The following GABRB2 variants were observed in gnomAD, a reference collection of about 807,000 sequenced individuals.
GABRB2 encodes gamma-aminobutyric acid type A receptor subunit beta2.
In GABRB2, 16 loss-of-function variants were observed where a neutral mutation model predicts 54.7. The observed-to-expected ratio is 0.29, with a 90% CI of 0.20 to 0.44. The LOEUF is 0.44. Among genes scored for constraint, GABRB2 ranks in the 20% least tolerant of loss-of-function variants. The pLI, the probability that GABRB2 is intolerant of heterozygous loss-of-function variation, is 1.00. For synonymous variants in GABRB2, 244 were observed against 233.8 expected, an observed-to-expected ratio of 1.04 and a Z score of -0.40; for missense variants, 355 against 644.0, an observed-to-expected ratio of 0.55 and a Z score of 4.86.
At chr5:161,392,123 C>G (rs1389437030) in intron 5 of GABRB2, among the ~76,000 whole-genome samples, 1 of 152,152 alleles carries the variant, frequency 6.6e-6, no homozygotes, top group African/African-American at 2.4e-5. Context: ...ATCATGGCCC[C>G]TGTGTTCCAG....
chr5:161,293,979 G>C lies in GABRB2; in HGVS notation c.*102C>G. 1 of 892,842 alleles carries C rather than the reference G, an allele frequency of 1.1e-6. No individual in the cohort carries two copies. Among genetic ancestry groups the C allele is most frequent in the Non-Finnish European group, 1.7e-6 (1 of 580,660 alleles). The allele number at this position is 892,842 out of a possible 1,614,324, so 55.3% of individuals were successfully genotyped here. A position where few individuals can be genotyped will look rare whatever the true frequency, so the allele number is the denominator to read the frequency against. On this transcript the variant is annotated 3_prime_UTR_variant, in exon 10 of 10. Transcript: ENST00000393959. ...AGGCCAGCAACTAAGGTATTTTAGC[G>C]TCACTTTTGTCCTGGATTGATGTGT...
At chr5:161,505,531 C>T (rs1759579674) in intron 3 of GABRB2, among the ~76,000 whole-genome samples, 2 of 151,914 alleles carry the variant, frequency 1.3e-5, no homozygotes, top group Non-Finnish European at 2.9e-5. Flanking sequence ...GAACAAAACA[C>T]AAAAATCTTT....
At chr5:161,463,926 T>G (rs1758204039) in intron 3 of GABRB2, among the ~76,000 whole-genome samples, 1 of 151,922 alleles carries the variant, frequency 6.6e-6, no homozygotes, top group Non-Finnish European at 1.5e-5. Context: ...TGACCCATAC[T>G]TCACATTGTA....
chr5:161,463,555 TTATATATATATA>T (rs869302091), intron 3 of GABRB2, among the ~76,000 whole-genome samples: 4 of 23,710 alleles, frequency 1.7e-4, no homozygotes, highest in African/African-American at 7.1e-4. Flanking sequence ...ATATTTTTAT[TTATATATATATA>T]TATATATATA....
chr5:161,481,248 A>C (rs535377740), intron 3 of GABRB2, among the ~76,000 whole-genome samples: 51 of 152,202 alleles, frequency 3.4e-4, no homozygotes, highest in African/African-American at 9.9e-4. Flanking sequence ...ATAAGTGAAG[A>C]AGCCAACTGG....
chr5:161,516,229 C>A (rs768972947), intron 3 of GABRB2, among the ~76,000 whole-genome samples: 2 of 152,248 alleles, frequency 1.3e-5, no homozygotes, highest in African/African-American at 2.4e-5. Context: ...CATATATTGA[C>A]CATCAATATT....
chr5:161,296,670 A>C (rs1001001146), intron 9 of GABRB2, among the ~76,000 whole-genome samples: 1 of 152,248 alleles, frequency 6.6e-6, no homozygotes, highest in Non-Finnish European at 1.5e-5. Context: ...GAATTAAAAA[A>C]AAAATGATTG....
intron 3 of GABRB2, among the ~76,000 whole-genome samples, chr5:161,497,526 GTA>G (rs1345320631): frequency 1.1e-5 from 1 of 91,756 alleles, no homozygotes; most frequent in Non-Finnish European, 2.1e-5. Context: ...GTGAGTGTGT[GTA>G]TATGTGTGTG....
chr5:161,430,238 TA>T (rs1287138985), intron 4 of GABRB2, among the ~76,000 whole-genome samples: 3 of 152,196 alleles, frequency 2.0e-5, no homozygotes, highest in African/African-American at 7.2e-5. Flanking sequence ...TTCCAGTCAG[TA>T]TGGAACTGTA....
chr5:161,447,937 A>G (rs1322320715), intron 4 of GABRB2, among the ~76,000 whole-genome samples: 1 of 152,144 alleles, frequency 6.6e-6, no homozygotes, highest in Non-Finnish European at 1.5e-5. Flanking sequence ...TGGTAGTCAG[A>G]GGTACTTTTC....
chr5:161,420,447 T>C (rs984062167), intron 4 of GABRB2, among the ~76,000 whole-genome samples: 2 of 152,068 alleles, frequency 1.3e-5, no homozygotes, highest in African/African-American at 4.8e-5. Flanking sequence ...CCCTAAAGAG[T>C]AGACAGTTTG....
intron 5 of GABRB2, 52 bp from the exon 6 acceptor site, chr5:161,336,821 A>G: frequency 6.5e-7 from 1 of 1,543,936 alleles, no homozygotes; most frequent in Non-Finnish European, 8.7e-7. Flanking sequence ...AAACAAAAAA[A>G]AAAAAACAGA....
chr5:161,525,405 T>TA (rs1760247763), intron 3 of GABRB2, among the ~76,000 whole-genome samples: 2 of 151,014 alleles, frequency 1.3e-5, no homozygotes, highest in Non-Finnish European at 3.0e-5. Flanking sequence ...CCATTAAGAG[T>TA]AAAAAAGGTC....
At chr5:161,390,631 C>T (rs1345223986) in intron 5 of GABRB2, among the ~76,000 whole-genome samples, 1 of 152,078 alleles carries the variant, frequency 6.6e-6, no homozygotes, top group Non-Finnish European at 1.5e-5. Context: ...GGGTGAAGAG[C>T]ATGAAGGAAT....
Position 161,530,038 on chromosome 5 carries a change from C to T in GABRB2, c.237+15189G>A, listed in dbSNP as rs561165737. 1.1e-3 allele frequency among the ~76,000 whole-genome samples: 163 copies of T among 152,166 alleles called. 1 individual carries two copies. Among genetic ancestry groups the T allele is most frequent in the Middle Eastern group, 3.4e-3 (1 of 294 alleles). ...CATATGTCTTTCCCTCTCTCCATCT[C>T]CCTCTCTGGATCCCTCTGTCTCTGT... On this transcript the variant is annotated intron_variant, in intron 3 of 9. Transcript: ENST00000393959.
chr5:161,315,744 C>T (rs1758009767), intron 9 of GABRB2, among the ~76,000 whole-genome samples: 1 of 152,060 alleles, frequency 6.6e-6, no homozygotes. Flanking sequence ...ATTATCAAGT[C>T]AGAGAAATCA....
At chr5:161,431,447 G>A (rs776154348) in intron 4 of GABRB2, among the ~76,000 whole-genome samples, 4 of 152,130 alleles carry the variant, frequency 2.6e-5, no homozygotes, top group Non-Finnish European at 5.9e-5. Context: ...ATGCATGTAT[G>A]ATGATGTTTT....
intron 8 of GABRB2, among the ~76,000 whole-genome samples, chr5:161,327,416 C>T (rs1428751324): frequency 6.6e-6 from 1 of 151,358 alleles, no homozygotes; most frequent in East Asian, 1.9e-4. Context: ...TTTGCCAGCA[C>T]ACTTTTATGT....
chr5:161,430,840 G>A (rs931760481), intron 4 of GABRB2, among the ~76,000 whole-genome samples: 1 of 152,082 alleles, frequency 6.6e-6, no homozygotes, highest in African/African-American at 2.4e-5. Flanking sequence ...GTAAGTAGGT[G>A]AAAATTTCAT....
Sources: gnomAD v4.1 joint callset for allele counts (sites outside exome capture counted in the v4.1 genomes callset) on GRCh38, gnomAD v4.1.1 for gene constraint, MANE v1.5 for transcripts, NCBI Gene and HGNC (gene_info 2026-07-23, HGNC 2026-07-21) for gene names.